Variants in FAM228B observed in about 807,000 individuals in gnomAD.
FAM228B encodes family with sequence similarity 228 member B.
In FAM228B, 38 loss-of-function variants were observed where a neutral mutation model predicts 42.6. The observed-to-expected ratio is 0.89, with a 90% CI of 0.69 to 1.17. The LOEUF is 1.17. Among genes scored for constraint, FAM228B ranks in the 50% most tolerant of loss-of-function variants. The probability of loss-of-function intolerance (pLI) is 0.00; values close to 1 mark genes in which losing one functional copy is unlikely to be tolerated. For synonymous variants in FAM228B, 109 were observed against 122.3 expected (o/e 0.89, Z 0.72); for missense variants, 344 against 367.3 (o/e 0.94, Z 0.52).
At chr2:24,088,350 T>C (rs560005994) in intron 2 of FAM228B, among the ~76,000 whole-genome samples, 7 of 151,968 alleles carry the variant, frequency 4.6e-5, no homozygotes, top group South Asian at 2.1e-4. Flanking sequence ...CCCTTTATTA[T>C]ATATATATAT....
chr2:24,134,737 G>A (rs1421562782), intron 2 of FAM228B, among the ~76,000 whole-genome samples: 1 of 152,152 alleles, frequency 6.6e-6, no homozygotes, highest in Non-Finnish European at 1.5e-5. Context: ...GATCACTTGA[G>A]GCCAGGAGTT....
rs139515377 is a variant in FAM228B, at chr2:24,147,780, G to A, written c.686+694G>A. The stretch of plus-strand genomic sequence containing the variant: ...AATTCTTCATCTGTTCATGCATGTT[G>A]TCCACCTTTTCCACTAGATTCTTTA... On this transcript the variant is annotated intron_variant, in intron 7 of 10. Transcript: ENST00000615575. Among the ~76,000 whole-genome samples, 640 of 151,996 alleles carry A rather than the reference G, an allele frequency of 4.2e-3. 3 individuals are homozygous for A. Among genetic ancestry groups the A allele is most frequent in the African/African-American group, 0.015 (608 of 41,478 alleles).
chr2:24,108,145 A>C (rs1385022941), intron 3 of FAM228B, among the ~76,000 whole-genome samples: 1 of 152,232 alleles, frequency 6.6e-6, no homozygotes, highest in African/African-American at 2.4e-5. Flanking sequence ...TACTTTGAAT[A>C]CCTCTATGCA....
intron 2 of FAM228B, among the ~76,000 whole-genome samples, chr2:24,090,285 C>A (rs183886240): frequency 1.0e-3 from 154 of 148,218 alleles, no homozygotes; most frequent in African/African-American, 3.5e-3. Context: ...AACAAACAAA[C>A]AAAAAAATTA....
At chr2:24,142,549 A>G (rs1346776412) in intron 5 of FAM228B, 1 of 152,244 alleles carries the variant, frequency 6.6e-6, no homozygotes, top group Admixed American at 6.5e-5. Context: ...ATACTGAAAT[A>G]TGGATGATTG....
At chr2:24,109,088 A>G (rs548788184) in intron 3 of FAM228B, among the ~76,000 whole-genome samples, 2 of 151,660 alleles carry the variant, frequency 1.3e-5, no homozygotes, top group East Asian at 3.9e-4. Context: ...GACCAATGGA[A>G]CAGTAGAGAG....
At position 24,080,707 on chromosome 2, in the gene FAM228B, G is replaced by A. The variant is rs1664957964; in HGVS notation, c.-289-169G>A. 7.6e-7 allele frequency: 1 copy of A among 1,308,224 alleles called. No homozygotes were observed. The highest frequency in any genetic ancestry group is 1.9e-5 in the Admixed American group (1 of 54,020). The allele number at this position is 1,308,224 out of a possible 1,614,324, so 81.0% of individuals were successfully genotyped here. A position where few individuals can be genotyped will look rare whatever the true frequency, so the allele number is the denominator to read the frequency against. On this transcript the variant is annotated intron_variant, in intron 1 of 10. Coordinates refer to the FAM228B transcript ENST00000613899. The surrounding 1 kb of genome is among the most constrained non-coding windows in gnomAD (Gnocchi z 4.7). ...CTAGAATTTGGCCAGGGCAGCTGTTGTGCACTTAGCAGAGGTAAGACTGAT... is the reference window on the plus strand; with the variant it reads ...CTAGAATTTGGCCAGGGCAGCTGTTATGCACTTAGCAGAGGTAAGACTGAT...
At chr2:24,149,977 A>G (rs1666988585) in intron 7 of FAM228B, among the ~76,000 whole-genome samples, 1 of 152,216 alleles carries the variant, frequency 6.6e-6, no homozygotes, top group Admixed American at 6.5e-5. Context: ...GCACAAAAAG[A>G]AAACTAGTGA....
rs1451005578 is a variant in FAM228B, at chr2:24,132,225, A to G, written c.100-2894A>G. ...AGCTTTTTGATGTGCTGCTGGATTC[A>G]GTTTGCCAGTATTTTATTGACAATT... On this transcript the variant is annotated intron_variant, in intron 2 of 10. Transcript: ENST00000615575. Among the ~76,000 whole-genome samples the G allele has an allele frequency of 3.9e-5, 6 of 152,282 alleles. No individual in the cohort carries two copies. The East Asian group carries it at 7.7e-4, about 20-fold the overall frequency.
chr2:24,130,976 G>A (rs138003611), intron 2 of FAM228B, among the ~76,000 whole-genome samples: 4,416 of 152,198 alleles, frequency 0.029, 84 homozygotes, highest in African/African-American at 0.055. Context: ...TGTATACAGT[G>A]TAAGGAAAGG....
intron 1 of FAM228B, chr2:24,078,949 A>G (rs1033943635): frequency 1.9e-5 from 3 of 157,462 alleles, no homozygotes; most frequent in African/African-American, 7.2e-5. Context: ...CACAGGTGCA[A>G]TCATAGCTCA....
intron 2 of FAM228B, among the ~76,000 whole-genome samples, chr2:24,127,168 C>T (rs955415886): frequency 6.6e-6 from 1 of 152,178 alleles, no homozygotes; most frequent in Non-Finnish European, 1.5e-5. Flanking sequence ...GATTTGTCTA[C>T]TCTGGACATT....
In FAM228B at chr2:24,077,418, G is replaced by T; in HGVS notation, c.-290+449G>T. ...CCTCAACCCCGCCGCGGCGGCCCCAGTCCGCGTGCCACCCTTCCAGTTCAC... is the reference window on the plus strand; with the variant it reads ...CCTCAACCCCGCCGCGGCGGCCCCATTCCGCGTGCCACCCTTCCAGTTCAC... On this transcript the variant is annotated intron_variant, in intron 1 of 10. Transcript: ENST00000613899. The surrounding 1 kb of genome is among the most constrained non-coding windows in gnomAD (Gnocchi z 5.5). The T allele has an allele frequency of 1.1e-6, 1 of 879,636 alleles. No individual in the cohort carries two copies. The highest frequency in any genetic ancestry group is 1.6e-6 in the Non-Finnish European group (1 of 626,288). 54.5% of individuals were successfully genotyped at this position (879,636 alleles called of 1,614,324 possible).
At chr2:24,149,599 A>G (rs1206287862) in intron 7 of FAM228B, among the ~76,000 whole-genome samples, 1 of 151,926 alleles carries the variant, frequency 6.6e-6, no homozygotes, top group African/African-American at 2.4e-5. Context: ...CACCCAGCTG[A>G]TTTTTGTATT....
chr2:24,144,592 G>T (rs1230454387), intron 5 of FAM228B, among the ~76,000 whole-genome samples: 1 of 152,184 alleles, frequency 6.6e-6, no homozygotes, highest in Non-Finnish European at 1.5e-5. Context: ...AGAGGGAGGT[G>T]AGGCAGCCTG....
At chr2:24,162,489 G>A (rs1223884889) in intron 8 of FAM228B, among the ~76,000 whole-genome samples, 2 of 152,190 alleles carry the variant, frequency 1.3e-5, no homozygotes, top group Non-Finnish European at 2.9e-5. Flanking sequence ...GTAAAATGGT[G>A]CAGCAACTTT....
At chr2:24,157,580 A>C (rs998242402) in intron 7 of FAM228B, among the ~76,000 whole-genome samples, 3 of 152,060 alleles carry the variant, frequency 2.0e-5, no homozygotes, top group Admixed American at 6.6e-5. Context: ...TCTACTAAAA[A>C]TACAAAAAAT....
At chr2:24,108,499 TA>T (rs544587899) in intron 3 of FAM228B, among the ~76,000 whole-genome samples, 218 of 151,848 alleles carry the variant, frequency 1.4e-3, no homozygotes, top group African/African-American at 5.1e-3. Flanking sequence ...ACAACAAAAA[TA>T]AAAAGAAAAG....
At chr2:24,142,288 C>T (rs1425059486) in intron 5 of FAM228B, among the ~76,000 whole-genome samples, 3 of 152,146 alleles carry the variant, frequency 2.0e-5, no homozygotes, top group Non-Finnish European at 2.9e-5. Context: ...TGAGATGGCC[C>T]AGAGCACCTG....
Sources: gnomAD v4.1 joint callset for allele counts (sites outside exome capture counted in the v4.1 genomes callset) on GRCh38, gnomAD v4.1.1 for gene constraint, Gnocchi (gnomAD v3.1) non-coding constraint, MANE v1.5 for transcripts, NCBI Gene and HGNC (gene_info 2026-07-23, HGNC 2026-07-21) for gene names.